Variants in INTS9 observed in about 807,000 individuals in gnomAD.
The protein encoded by INTS9 is integrator complex subunit 9.
INTS9 carries 55 observed loss-of-function variants against 79.7 expected under a neutral mutation model. The ratio of observed to expected loss-of-function variants is 0.69; its 90% CI spans 0.56 to 0.86. INTS9 has a LOEUF of 0.86. INTS9 is among the 40% of genes least tolerant of loss of function. The pLI, the probability that INTS9 is intolerant of heterozygous loss-of-function variation, is 0.00. For missense variants in INTS9, 721 were observed against 831.5 expected, an observed-to-expected ratio of 0.87 and a Z score of 1.64; for synonymous variants, 319 against 325.2, an observed-to-expected ratio of 0.98 and a Z score of 0.20.
intron 7 of INTS9, 69 bp downstream of exon 7, chr8:28,813,423 T>C: frequency 6.7e-7 from 1 of 1,501,538 alleles, no homozygotes; most frequent in Non-Finnish European, 9.2e-7. Context: ...ATAGGATTCT[T>C]CCAAACAACA....
intron 1 of INTS9, 92 bp downstream of exon 1, chr8:28,889,782 C>A: frequency 7.1e-7 from 1 of 1,415,082 alleles, no homozygotes; most frequent in Non-Finnish European, 9.8e-7. Context: ...CTACCCCTCC[C>A]GTGCGACGAT....
In INTS9 at chr8:28,812,351, G is replaced by A; in HGVS notation, c.720C>T (p.Ser240=). The change falls in exon 8 of 17, where the codon TCC becomes TCT. Residue 240 remains serine, a synonymous_variant. Coordinates refer to ENST00000521022, the MANE Select transcript of INTS9 (RefSeq NM_018250.4). ...HYEKVSYVSG[S]SLLTTHPQPM... ...CCTGGGGGTGTGTGGTAAGCAAGGAGGATCCAGAGACATAAGACACTTTCT... is the reference window on the plus strand; with the variant it reads ...CCTGGGGGTGTGTGGTAAGCAAGGAAGATCCAGAGACATAAGACACTTTCT... 6.2e-7 allele frequency: 1 copy of A among 1,614,086 alleles called. No individual in the cohort carries two copies. The highest frequency in any genetic ancestry group is 8.5e-7 in the Non-Finnish European group (1 of 1,179,950).
At chr8:28,870,451 T>C (rs183122831) in intron 1 of INTS9, among the ~76,000 whole-genome samples, 104 of 147,560 alleles carry the variant, frequency 7.0e-4, no homozygotes, top group African/African-American at 2.5e-3. Flanking sequence ...TTGCTGAAAA[T>C]GTGCAACAAT....
intron 5 of INTS9, 79 bp downstream of exon 5, chr8:28,837,558 T>G: frequency 6.8e-7 from 1 of 1,473,954 alleles, no homozygotes; most frequent in Admixed American, 2.0e-5. Flanking sequence ...CCAGCCCTGG[T>G]ATAATACTGT....
At chr8:28,776,076 C>G in intron 13 of INTS9, 150 bp from the exon 14 acceptor site, 2 of 577,470 alleles carry the variant, frequency 3.5e-6, no homozygotes, top group Non-Finnish European at 5.8e-6. Flanking sequence ...GCCCAATGAA[C>G]CGTAGACAGG....
rs139015992 is a variant in INTS9 at position 28,768,227 on chromosome 8, C to T, written c.1896G>A (p.Ser632=). ...AETLIQIEED[S]THIICDNDEM... ...CGTCATTGTCGCAGATGATATGGGT[C>T]GAGTCTTCTTCAATCTGGATGAGCG... is the stretch of plus-strand genomic sequence containing the variant. The change falls in exon 17 of 17, where the codon TCG becomes TCA. Residue 632 remains serine, a synonymous_variant. Transcript: ENST00000521022. 5.0e-6 allele frequency: 8 copies of T among 1,614,008 alleles called. No homozygotes were observed. Among genetic ancestry groups the T allele is most frequent in the African/African-American group, 4.0e-5 (3 of 74,912 alleles).
chr8:28,788,425 AC>A (rs1269891273), intron 10 of INTS9, among the ~76,000 whole-genome samples: 1 of 151,890 alleles, frequency 6.6e-6, no homozygotes, highest in Non-Finnish European at 1.5e-5. Flanking sequence ...TTGTCCATGC[AC>A]TTTTTTTTTG....
At chr8:28,770,914 A>C in intron 15 of INTS9, 68 bp downstream of exon 15, 5 of 1,066,628 alleles carry the variant, frequency 4.7e-6, no homozygotes, top group Non-Finnish European at 7.1e-6. Flanking sequence ...TTTCAAATAT[A>C]ATCTGTTAGG....
chr8:28,828,231 T>A (rs375764578), intron 6 of INTS9, among the ~76,000 whole-genome samples: 96 of 152,364 alleles, frequency 6.3e-4, no homozygotes, highest in African/African-American at 1.9e-3. Context: ...ACAGTGGAAT[T>A]TGAAAACAGT....
intron 4 of INTS9, among the ~76,000 whole-genome samples, chr8:28,841,438 GA>G (rs1807179197): frequency 6.6e-6 from 1 of 152,168 alleles, no homozygotes; most frequent in African/African-American, 2.4e-5. Flanking sequence ...AACTGGGTGA[GA>G]AAACTTGAAA....
chr8:28,877,213 C>A (rs1019088820), intron 1 of INTS9, among the ~76,000 whole-genome samples: 6 of 151,964 alleles, frequency 3.9e-5, no homozygotes, highest in South Asian at 2.1e-4. Flanking sequence ...AAAATATACT[C>A]CAGAACTACA....
intron 5 of INTS9, among the ~76,000 whole-genome samples, chr8:28,836,620 C>T (rs1237401105): frequency 1.3e-5 from 2 of 152,192 alleles, no homozygotes; most frequent in African/African-American, 2.4e-5. Context: ...GTGATTCAGG[C>T]TCACTGGTGT....
chr8:28,878,497 T>C (rs928836719), intron 1 of INTS9, among the ~76,000 whole-genome samples: 1 of 151,822 alleles, frequency 6.6e-6, no homozygotes, highest in Non-Finnish European at 1.5e-5. Context: ...AAAAAATTGT[T>C]TTTTTGTAGA....
chr8:28,784,914 T>G (rs1803491410), intron 11 of INTS9, among the ~76,000 whole-genome samples: 1 of 152,248 alleles, frequency 6.6e-6, no homozygotes, highest in South Asian at 2.1e-4. Flanking sequence ...CATTTCCAGA[T>G]CCAGCCCATG....
Position 28,796,080 on chromosome 8 carries a change from C to A in INTS9, c.856+464G>T, listed in dbSNP as rs193241627. Among the ~76,000 whole-genome samples the A allele has an allele frequency of 4.4e-4, 67 of 152,276 alleles. No homozygotes were observed. The East Asian group carries it at 0.01, about 23-fold the overall frequency. On this transcript the variant is annotated intron_variant, in intron 9 of 16. Coordinates refer to ENST00000521022, the MANE Select transcript of INTS9 (RefSeq NM_018250.4). ...ATCCCAGCATTTTGGGAGGCCAAAG[C>A]GGGCGGATTGCCTGAGGTCAGGAGT...
intron 8 of INTS9, among the ~76,000 whole-genome samples, chr8:28,809,492 A>C (rs1192247216): frequency 6.6e-6 from 1 of 152,190 alleles, no homozygotes; most frequent in African/African-American, 2.4e-5. Flanking sequence ...TCTTTTTTAC[A>C]TATAACACAG....
chr8:28,854,794 TGC>T (rs1325567594), intron 2 of INTS9, among the ~76,000 whole-genome samples: 2 of 152,142 alleles, frequency 1.3e-5, no homozygotes, highest in Non-Finnish European at 2.9e-5. Flanking sequence ...AGTTGAGATC[TGC>T]ACAGGAGCAG....
chr8:28,834,268 G>A (rs1349671460), intron 6 of INTS9, among the ~76,000 whole-genome samples: 5 of 152,146 alleles, frequency 3.3e-5, no homozygotes. Flanking sequence ...GCCTACCTCT[G>A]CATTCCTGTC....
chr8:28,773,965 G>T (rs1409675679), intron 14 of INTS9, among the ~76,000 whole-genome samples: 1 of 152,116 alleles, frequency 6.6e-6, no homozygotes, highest in South Asian at 2.1e-4. Flanking sequence ...GATTACAGGT[G>T]CGTGACACCA....
Sources: allele counts gnomAD v4.1 joint callset (sites outside exome capture counted in the v4.1 genomes callset), GRCh38; gene constraint gnomAD v4.1.1; transcripts MANE v1.5; gene names NCBI Gene and HGNC (gene_info 2026-07-23, HGNC 2026-07-21).